The following ASB18 variants were observed in gnomAD, a reference collection of about 807,000 sequenced individuals.
The protein encoded by ASB18 is ankyrin repeat and SOCS box protein 18.
In ASB18, 33 loss-of-function variants were observed where a neutral mutation model predicts 33.4. The ratio of observed to expected loss-of-function variants is 0.99; its 90% CI spans 0.75 to 1.32. The LOEUF (loss-of-function observed/expected upper bound fraction) is 1.32, where lower values mean the gene tolerates loss of function less well. Ranked by LOEUF, ASB18 falls within the 40% of genes most tolerant of loss-of-function variation. The probability of loss-of-function intolerance (pLI) is 0.00; values close to 1 mark genes in which losing one functional copy is unlikely to be tolerated. For synonymous variants in ASB18, 295 were observed against 307.6 expected, an observed-to-expected ratio of 0.96 and a Z score of 0.43; for missense variants, 694 against 655.5, an observed-to-expected ratio of 1.06 and a Z score of -0.64.
rs187932465 is a variant in ASB18, at chr2:236,203,460, G to A, written c.1102-7075C>T. ...GGGAGTGCTCGGAAATGAAACAGGA[G>A]AGGAAAGCAGGGAAGACCATGGAGT... On this transcript the variant is annotated intron_variant, in intron 4 of 5. Transcript: ENST00000409749. The surrounding 1 kb of genome is among the most constrained non-coding windows in gnomAD (Gnocchi z 6.0). Among the ~76,000 whole-genome samples, 6 of 152,328 alleles carry A rather than the reference G, an allele frequency of 3.9e-5. No individual in the cohort carries two copies. The highest frequency in any genetic ancestry group is 4.8e-5 in the African/African-American group (2 of 41,582).
chr2:236,222,878 G>A lies in ASB18; in HGVS notation c.597-8012C>T, dbSNP rs762193445. On this transcript the variant is annotated intron_variant, in intron 3 of 5. Transcript: ENST00000409749. This position sits in a 1 kb window ranked among gnomAD's most constrained non-coding sequence, Gnocchi z 5.5. ...CTACTAAAAATACAAAAATTAGATGGGTGTGGTGGCGCACACCTGTAGTCC... is the reference window on the plus strand; with the variant it reads ...CTACTAAAAATACAAAAATTAGATGAGTGTGGTGGCGCACACCTGTAGTCC... 2.0e-5 allele frequency among the ~76,000 whole-genome samples: 3 copies of A among 152,142 alleles called. No individual in the cohort carries two copies. The highest frequency in any genetic ancestry group is 6.5e-5 in the Admixed American group (1 of 15,288).
intron 2 of ASB18, among the ~76,000 whole-genome samples, chr2:236,240,723 C>T (rs951425898): frequency 1.1e-4 from 17 of 152,218 alleles, no homozygotes; most frequent in African/African-American, 3.4e-4. Context: ...GCAAGAGCAC[C>T]TGCAGACACG....
Position 236,255,266 on chromosome 2 carries a change from C to T in ASB18, c.205+8875G>A, listed in dbSNP as rs1311951234. Among the ~76,000 whole-genome samples, 6 of 152,056 alleles carry T rather than the reference C, an allele frequency of 3.9e-5. No individual in the cohort carries two copies. The highest frequency in any genetic ancestry group is 1.4e-4 in the African/African-American group (6 of 41,392). On this transcript the variant is annotated intron_variant, in intron 1 of 5. Transcript: ENST00000409749. This position sits in a 1 kb window ranked among gnomAD's most constrained non-coding sequence, Gnocchi z 4.4. ...TCAAGCGATTCTCCTGCCTCAGCCT[C>T]TTGAGTAGCTGAAATTACAGGCGCC...
intron 4 of ASB18, among the ~76,000 whole-genome samples, chr2:236,202,352 A>C (rs2060407106): frequency 6.6e-6 from 1 of 151,982 alleles, no homozygotes; most frequent in South Asian, 2.1e-4. Context: ...TATTATCATA[A>C]ATCAAGCGTT....
At chr2:236,224,333 A>T (rs573799596) in intron 3 of ASB18, among the ~76,000 whole-genome samples, 1 of 151,892 alleles carries the variant, frequency 6.6e-6, no homozygotes, top group South Asian at 2.1e-4. Flanking sequence ...TATGTTGTTC[A>T]TAAAGTGTCT....
chr2:236,258,754 C>T (rs2106287066), intron 1 of ASB18, among the ~76,000 whole-genome samples: 1 of 152,318 alleles, frequency 6.6e-6, no homozygotes, highest in South Asian at 2.1e-4. Context: ...TACCCACACT[C>T]ATTCCCCACC....
At chr2:236,202,945 G>T (rs921211546) in intron 4 of ASB18, among the ~76,000 whole-genome samples, 2 of 151,384 alleles carry the variant, frequency 1.3e-5, no homozygotes, top group African/African-American at 4.9e-5. Flanking sequence ...TGGAGTTTTA[G>T]TTCCAGGTTG....
Position 236,213,106 on chromosome 2 carries a change from G to A in ASB18, c.1101+1256C>T, listed in dbSNP as rs1446909779. 6.6e-6 allele frequency among the ~76,000 whole-genome samples: 1 copy of A among 152,180 alleles called. No individual in the cohort carries two copies. Among genetic ancestry groups the A allele is most frequent in the South Asian group, 2.1e-4 (1 of 4,814 alleles). On this transcript the variant is annotated intron_variant, in intron 4 of 5. Transcript: ENST00000409749. The surrounding 1 kb of genome is among the most constrained non-coding windows in gnomAD (Gnocchi z 4.8). Reference sequence around the variant, plus strand: ...TAAATTATAAATATAAAAGGTAGCTGTCACAGAACATAAAAATGCTAGCAT... The same window carrying A: ...TAAATTATAAATATAAAAGGTAGCTATCACAGAACATAAAAATGCTAGCAT...
rs1326092122 is a variant in ASB18, at chr2:236,250,325, T to G, written c.206-8923A>C. 6.6e-6 allele frequency: 1 copy of G among 152,218 alleles called. No individual in the cohort carries two copies. Among genetic ancestry groups the G allele is most frequent in the Non-Finnish European group, 1.5e-5 (1 of 68,032 alleles). The allele number at this position is 152,218 out of a possible 1,614,324, so 9.4% of individuals were successfully genotyped here. On this transcript the variant is annotated intron_variant, in intron 1 of 5. Transcript: ENST00000409749. This position sits in a 1 kb window ranked among gnomAD's most constrained non-coding sequence, Gnocchi z 4.1. ...CATGCCTTCAAGCCAAGAGGTAGAA[T>G]TTTTGAGGCTGCAGGACACCCTGCC...
In ASB18 at chr2:236,194,903, A is replaced by G. The variant is rs771367958; in HGVS notation, c.1370T>C (p.Leu457Pro). ...LPLPKPLQNY[L>P]LLEPQGVLH ...CAAAACACCCTGTGGCTCCAAAAGT[A>G]GGTAATTCTGCAGGGGCTTTGGCAA... is the stretch of plus-strand genomic sequence containing the variant. The change falls in exon 6 of 6, where the codon CTA (leucine) becomes CCA (proline). Residue 457 changes from leucine to proline, a missense_variant. By Grantham distance (98) the Leu-to-Pro change is moderately conservative. Coordinates refer to ENST00000409749, the MANE Select transcript of ASB18 (RefSeq NM_212556.4). This position sits in a 1 kb window ranked among gnomAD's most constrained non-coding sequence, Gnocchi z 4.5. 4 of 1,613,756 alleles carry G rather than the reference A, an allele frequency of 2.5e-6. No homozygotes were observed. In the Middle Eastern group the frequency reaches 6.6e-4, roughly 266 times the overall value.
At position 236,219,544 on chromosome 2, in the gene ASB18, C is replaced by T. The variant is rs2060501660; in HGVS notation, c.597-4678G>A. ...TACTCAGTGATAACAATCGTGGGGA[C>T]CTCTCAGACCTGACCCCAGGACCCA... On this transcript the variant is annotated intron_variant, in intron 3 of 5. Coordinates refer to ENST00000409749, the MANE Select transcript of ASB18 (RefSeq NM_212556.4). The surrounding 1 kb of genome is among the most constrained non-coding windows in gnomAD (Gnocchi z 6.4). Among the ~76,000 whole-genome samples the T allele has an allele frequency of 6.6e-6, 1 of 152,082 alleles. No individual in the cohort carries two copies. Among genetic ancestry groups the T allele is most frequent in the African/African-American group, 2.4e-5 (1 of 41,414 alleles).
chr2:236,263,048 T>C lies in ASB18; in HGVS notation c.205+1093A>G, dbSNP rs2060727361. ...ATGCATGTACTTGCGTGTGCGTGTG[T>C]GCACCTATGTTGGGAGGGAGAATGG... On this transcript the variant is annotated intron_variant, in intron 1 of 5. Coordinates refer to ENST00000409749, the MANE Select transcript of ASB18 (RefSeq NM_212556.4). This position sits in a 1 kb window ranked among gnomAD's most constrained non-coding sequence, Gnocchi z 4.0. Among the ~76,000 whole-genome samples, 1 of 152,178 alleles carries C rather than the reference T, an allele frequency of 6.6e-6. No homozygotes were observed. Among genetic ancestry groups the C allele is most frequent in the East Asian group, 1.9e-4 (1 of 5,180 alleles).
chr2:236,241,151 G>C lies in ASB18; in HGVS notation c.328+129C>G, dbSNP rs2060619143. 3.2e-6 allele frequency: 3 copies of C among 924,224 alleles called. No individual in the cohort carries two copies. The highest frequency in any genetic ancestry group is 5.1e-6 in the Non-Finnish European group (3 of 593,520). 57.3% of individuals were successfully genotyped at this position (924,224 alleles called of 1,614,324 possible). On this transcript the variant is annotated intron_variant, in intron 2 of 5. Coordinates refer to ENST00000409749, the MANE Select transcript of ASB18 (RefSeq NM_212556.4). This position sits in a 1 kb window ranked among gnomAD's most constrained non-coding sequence, Gnocchi z 4.2. ...ACTTTACTGCGAGCAAACTTCATCA[G>C]ATGTCCTTTTCTTGTGTACGTTAAA... is the stretch of plus-strand genomic sequence containing the variant.
rs1553601569 is a variant in ASB18 at position 236,238,011 on chromosome 2, TG to T, written c.329-56del. On this transcript the variant is annotated intron_variant, in intron 2 of 5. Transcript: ENST00000409749. This position sits in a 1 kb window ranked among gnomAD's most constrained non-coding sequence, Gnocchi z 5.2. The stretch of plus-strand genomic sequence containing the variant: ...AGGGGGAGGTTAGTTGTGGTGGTGG[TG>T]GGCGGTGTTCCTTAAGGCGGAAAGA... 2.1e-6 allele frequency: 2 copies of T among 975,176 alleles called. No individual in the cohort carries two copies. The highest frequency in any genetic ancestry group is 2.8e-6 in the Non-Finnish European group (2 of 714,154). The allele number at this position is 975,176 out of a possible 1,614,324, so 60.4% of individuals were successfully genotyped here.
In ASB18 at chr2:236,241,358, C is replaced by T. The variant is rs374792469; in HGVS notation, c.250G>A (p.Asp84Asn). 26 of 1,613,890 alleles carry T rather than the reference C, an allele frequency of 1.6e-5. No individual in the cohort carries two copies. The African/African-American group carries it at 3.5e-4, about 22-fold the overall frequency. Residue 84 changes from aspartate to asparagine, a missense_variant, in exon 2 of 6, where the codon GAT becomes AAT. Coordinates refer to ENST00000409749, the MANE Select transcript of ASB18 (RefSeq NM_212556.4). This position sits in a 1 kb window ranked among gnomAD's most constrained non-coding sequence, Gnocchi z 4.2. ...LKPLMDQFFQ[D>N]ANVVFEINKD... The stretch of plus-strand genomic sequence containing the variant: ...TTGATCTCAAACACCACGTTGGCAT[C>T]CTGGAAGAACTGGTCCATGAGGGGC...
In ASB18 at chr2:236,248,150, T is replaced by C. The variant is rs1232192122; in HGVS notation, c.206-6748A>G. The C allele has an allele frequency of 1.3e-5, 2 of 152,172 alleles. No homozygotes were observed. Among genetic ancestry groups the C allele is most frequent in the African/African-American group, 4.8e-5 (2 of 41,430 alleles). The allele number at this position is 152,172 out of a possible 1,614,324, so 9.4% of individuals were successfully genotyped here. A position where few individuals can be genotyped will look rare whatever the true frequency, so the allele number is the denominator to read the frequency against. On this transcript the variant is annotated intron_variant, in intron 1 of 5. Coordinates refer to ENST00000409749, the MANE Select transcript of ASB18 (RefSeq NM_212556.4). The surrounding 1 kb of genome is among the most constrained non-coding windows in gnomAD (Gnocchi z 4.9). The stretch of plus-strand genomic sequence containing the variant: ...TAAATAATGTGAACTGGAGAAATAA[T>C]ACACGTGATGCCCCAACAGCAGTGG...
At chr2:236,258,633 A>G (rs1053761087) in intron 1 of ASB18, among the ~76,000 whole-genome samples, 1 of 152,220 alleles carries the variant, frequency 6.6e-6, no homozygotes, top group African/African-American at 2.4e-5. Flanking sequence ...TTAAAGGAGC[A>G]GGGGATATGG....
chr2:236,248,587 C>A lies in ASB18; in HGVS notation c.206-7185G>T, dbSNP rs926882875. On this transcript the variant is annotated intron_variant, in intron 1 of 5. Coordinates refer to ENST00000409749, the MANE Select transcript of ASB18 (RefSeq NM_212556.4). The surrounding 1 kb of genome is among the most constrained non-coding windows in gnomAD (Gnocchi z 4.9). ...CAGCCTGGGCAACAGAGCAAGACTC[C>A]GTCTCAAAAAAAAAAAAAAGAAAGA... 1 of 148,240 alleles carries A rather than the reference C, an allele frequency of 6.7e-6. No individual in the cohort carries two copies. Among genetic ancestry groups the A allele is most frequent in the Non-Finnish European group, 1.5e-5 (1 of 67,244 alleles). 9.2% of individuals were successfully genotyped at this position (148,240 alleles called of 1,614,324 possible). A position where few individuals can be genotyped will look rare whatever the true frequency, so the allele number is the denominator to read the frequency against.
At position 236,249,755 on chromosome 2, in the gene ASB18, A is replaced by G. The variant is rs1019209838; in HGVS notation, c.206-8353T>C. ...TAATTTCTGTGGTCTTTTGCTGCAG[A>G]CCATGAAGTGAATTTAGGAAAAGGA... On this transcript the variant is annotated intron_variant, in intron 1 of 5. Coordinates refer to ENST00000409749, the MANE Select transcript of ASB18 (RefSeq NM_212556.4). This position sits in a 1 kb window ranked among gnomAD's most constrained non-coding sequence, Gnocchi z 4.6. 6.6e-6 allele frequency: 1 copy of G among 152,160 alleles called. No homozygotes were observed. The highest frequency in any genetic ancestry group is 1.5e-5 in the Non-Finnish European group (1 of 68,034). The allele number at this position is 152,160 out of a possible 1,614,324, so 9.4% of individuals were successfully genotyped here. A position where few individuals can be genotyped will look rare whatever the true frequency, so the allele number is the denominator to read the frequency against.
Sources: gnomAD v4.1 joint callset for allele counts (sites outside exome capture counted in the v4.1 genomes callset) on GRCh38, gnomAD v4.1.1 for gene constraint, Gnocchi (gnomAD v3.1) non-coding constraint, MANE v1.5 for transcripts, NCBI Gene and HGNC (gene_info 2026-07-23, HGNC 2026-07-21) for gene names.